The following LSM12 variants were observed in gnomAD, a reference collection of about 807,000 sequenced individuals.
LSM12 encodes protein LSM12.
For synonymous variants in LSM12, 74 were observed against 87.3 expected (o/e 0.85, Z 0.85); for missense variants, 108 against 238.9 (o/e 0.45, Z 3.61).
At chr17:44,045,571 T>G (rs753826045) in intron 2 of LSM12, among the ~76,000 whole-genome samples, 16 of 152,112 alleles carry the variant, frequency 1.1e-4, no homozygotes, top group Non-Finnish European at 1.8e-4. Flanking sequence ...GTTTCCAGTT[T>G]TGTTTTTTGT....
chr17:44,042,884 G>A (rs749651803), intron 2 of LSM12, among the ~76,000 whole-genome samples: 4 of 151,768 alleles, frequency 2.6e-5, no homozygotes, highest in African/African-American at 4.8e-5. Context: ...TGTATTTTTA[G>A]TAGAGACAGG....
At chr17:44,046,725 A>G (rs1198454559) in intron 2 of LSM12, among the ~76,000 whole-genome samples, 1 of 150,210 alleles carries the variant, frequency 6.7e-6, no homozygotes, top group Non-Finnish European at 1.5e-5. Context: ...AAAAAAAAAA[A>G]AAGGAACTGT....
At chr17:44,043,921 G>A (rs181050251) in intron 2 of LSM12, among the ~76,000 whole-genome samples, 6 of 152,192 alleles carry the variant, frequency 3.9e-5, no homozygotes, top group African/African-American at 1.4e-4. Flanking sequence ...AAGCAGGCTG[G>A]AAGATCTCAC....
intron 2 of LSM12, among the ~76,000 whole-genome samples, chr17:44,058,097 C>T (rs1236700120): frequency 6.6e-6 from 1 of 151,510 alleles, no homozygotes; most frequent in Admixed American, 6.6e-5. Context: ...ATTAGCTGGG[C>T]GTGGTGGTGG....
At chr17:44,064,872 G>A (rs748039082) in intron 1 of LSM12, among the ~76,000 whole-genome samples, 3 of 152,094 alleles carry the variant, frequency 2.0e-5, no homozygotes, top group East Asian at 1.9e-4. Context: ...GGTGGCTCAC[G>A]CTGGTAATCC....
upstream of LSM12, chr17:44,066,786 T>C: frequency 1.7e-6 from 1 of 587,976 alleles, no homozygotes; most frequent in Non-Finnish European, 2.4e-6. Flanking sequence ...AAAGTATTTG[T>C]ATAGCTGCGT....
chr17:44,049,202 AC>A (rs2049610880), intron 2 of LSM12, among the ~76,000 whole-genome samples: 1 of 152,074 alleles, frequency 6.6e-6, no homozygotes, highest in African/African-American at 2.4e-5. Flanking sequence ...AACAACAACA[AC>A]AACAACAAAA....
chr17:44,059,289 T>C (rs1006484040), intron 2 of LSM12, among the ~76,000 whole-genome samples: 6 of 151,990 alleles, frequency 3.9e-5, no homozygotes, highest in African/African-American at 7.3e-5. Flanking sequence ...CACAAAGTAA[T>C]AGAAAAACAG....
At chr17:44,052,817 AT>A (rs199965084) in intron 2 of LSM12, among the ~76,000 whole-genome samples, 1,746 of 150,450 alleles carry the variant, frequency 0.012, 34 homozygotes, top group African/African-American at 0.04. Context: ...ATAAACGTAT[AT>A]TTTTATATAA....
intron 2 of LSM12, among the ~76,000 whole-genome samples, chr17:44,063,252 T>G (rs2144115846): frequency 6.6e-6 from 1 of 152,276 alleles, no homozygotes; most frequent in African/African-American, 2.4e-5. Flanking sequence ...CAAAAGTGAC[T>G]TGGGGGTTCC....
chr17:44,067,128 C>T (rs1213462784), upstream of LSM12, among the ~76,000 whole-genome samples: 4 of 152,070 alleles, frequency 2.6e-5, no homozygotes, highest in African/African-American at 9.7e-5. Flanking sequence ...GGTGAAACCC[C>T]GTCTCTACTA....
intron 2 of LSM12, among the ~76,000 whole-genome samples, chr17:44,053,676 G>A (rs1378823665): frequency 6.6e-6 from 1 of 152,144 alleles, no homozygotes; most frequent in African/African-American, 2.4e-5. Flanking sequence ...TAACAGCACA[G>A]TTGGAAAAAC....
At chr17:44,039,325 G>A (rs1005879498) in intron 3 of LSM12, among the ~76,000 whole-genome samples, 2 of 149,004 alleles carry the variant, frequency 1.3e-5, no homozygotes, top group African/African-American at 5.0e-5. Context: ...AAAGTGCTGG[G>A]ATTACAGGCG....
chr17:44,056,113 C>CA (rs911548503), intron 2 of LSM12, among the ~76,000 whole-genome samples: 82 of 144,896 alleles, frequency 5.7e-4, no homozygotes, highest in African/African-American at 1.7e-3. Flanking sequence ...GCTAAAAATA[C>CA]AAAAAAAAAA....
intron 2 of LSM12, among the ~76,000 whole-genome samples, chr17:44,046,747 CT>C (rs1161246881): frequency 1.1e-3 from 124 of 112,472 alleles, no homozygotes; most frequent in Non-Finnish European, 1.4e-3. Context: ...AAACTGTTTT[CT>C]TTTTTTTTTT....
intron 2 of LSM12, among the ~76,000 whole-genome samples, chr17:44,052,340 C>T (rs2049656092): frequency 6.6e-6 from 1 of 151,784 alleles, no homozygotes; most frequent in African/African-American, 2.4e-5. Flanking sequence ...AAAAATCAGC[C>T]AGGTGTGTTG....
At chr17:44,049,809 A>G (rs2049618882) in intron 2 of LSM12, among the ~76,000 whole-genome samples, 3 of 152,210 alleles carry the variant, frequency 2.0e-5, no homozygotes, top group South Asian at 4.1e-4. Flanking sequence ...GACAGCTGAT[A>G]CAACAAGGGA....
intron 2 of LSM12, among the ~76,000 whole-genome samples, chr17:44,054,178 C>G (rs1177140164): frequency 6.6e-6 from 1 of 152,202 alleles, no homozygotes; most frequent in Non-Finnish European, 1.5e-5. Context: ...CCCACTTTGT[C>G]AGCAGACTGC....
intron 1 of LSM12, among the ~76,000 whole-genome samples, chr17:44,065,351 G>A (rs185657503): frequency 3.3e-5 from 5 of 151,200 alleles, no homozygotes; most frequent in East Asian, 2.0e-4. Context: ...TGAGGCAGGA[G>A]AATCGCTCGA....
Sources: gnomAD v4.1 joint callset for allele counts (sites outside exome capture counted in the v4.1 genomes callset) on GRCh38, gnomAD v4.1.1 for gene constraint, MANE v1.5 for transcripts, NCBI Gene and HGNC (gene_info 2026-07-23, HGNC 2026-07-21) for gene names.